The following NFE2L3 variants were observed in gnomAD, a reference collection of about 807,000 sequenced individuals.
The protein encoded by NFE2L3 is NFE2 like bZIP transcription factor 3, also known as nuclear factor erythroid 2-related factor 3.
NFE2L3 carries 18 observed loss-of-function variants against 23.5 expected under a neutral mutation model. That is an observed-to-expected ratio of 0.77 (90% CI 0.53 to 1.13). The LOEUF (loss-of-function observed/expected upper bound fraction) is 1.13, where lower values mean the gene tolerates loss of function less well. Among genes scored for constraint, NFE2L3 ranks in the 50% most tolerant of loss-of-function variants. The pLI is 0.00. For synonymous variants in NFE2L3, 424 were observed against 354.5 expected (o/e 1.20, Z -2.20); for missense variants, 1,152 against 877.2 (o/e 1.31, Z -3.96).
rs868056974 is a variant in NFE2L3 at position 26,183,987 on chromosome 7, G to A, written c.834+203G>A. ...CAAAGGTATAATCAAATTTAGACTA[G>A]TCATGGAAAACAGCGTGGAGATTTC... On this transcript the variant is annotated intron_variant, in intron 3 of 3. Transcript: ENST00000056233. 1.9e-5 allele frequency: 10 copies of A among 521,010 alleles called. No homozygotes were observed. The Middle Eastern group carries it at 2.5e-3, about 129-fold the overall frequency. 32.3% of individuals were successfully genotyped at this position (521,010 alleles called of 1,614,324 possible). A position where few individuals can be genotyped will look rare whatever the true frequency, so the allele number is the denominator to read the frequency against.
intron 1 of NFE2L3, among the ~76,000 whole-genome samples, chr7:26,163,280 A>G (rs1231409039): frequency 2.0e-5 from 3 of 152,314 alleles, no homozygotes; most frequent in Non-Finnish European, 2.9e-5. Flanking sequence ...ATATATCCCC[A>G]AATCATAAGG....
Position 26,178,848 on chromosome 7 carries a change from G to T in NFE2L3, c.750+726G>T, listed in dbSNP as rs568711840. 7.2e-5 allele frequency among the ~76,000 whole-genome samples: 11 copies of T among 152,100 alleles called. No individual in the cohort carries two copies. In the South Asian group the frequency reaches 2.3e-3, roughly 32 times the overall value. On this transcript the variant is annotated intron_variant, in intron 2 of 3. Coordinates refer to ENST00000056233, the MANE Select transcript of NFE2L3 (RefSeq NM_004289.7). ...ACCACGTGGCACTTCCACCTGGAAGGCATACCCTCAGGGGTCTTGCCCTGA... is the reference window on the plus strand; with the variant it reads ...ACCACGTGGCACTTCCACCTGGAAGTCATACCCTCAGGGGTCTTGCCCTGA...
At chr7:26,158,121 T>C (rs1483262036) in intron 1 of NFE2L3, among the ~76,000 whole-genome samples, 1 of 152,174 alleles carries the variant, frequency 6.6e-6, no homozygotes, top group Non-Finnish European at 1.5e-5. Context: ...CAATCTCGGC[T>C]CACTGCAACC....
intron 2 of NFE2L3, among the ~76,000 whole-genome samples, 160 bp downstream of exon 2, chr7:26,178,282 A>G (rs1784449960): frequency 6.6e-6 from 1 of 152,240 alleles, no homozygotes; most frequent in Non-Finnish European, 1.5e-5. Context: ...TGGGAGTAGT[A>G]ATTTGATTTA....
At chr7:26,163,513 A>AT (rs1784202882) in intron 1 of NFE2L3, among the ~76,000 whole-genome samples, 1 of 152,020 alleles carries the variant, frequency 6.6e-6, no homozygotes, top group Non-Finnish European at 1.5e-5. Context: ...AGCCCAGCTA[A>AT]TTTTTGTATT....
chr7:26,168,520 A>G (rs1038601695), intron 1 of NFE2L3, among the ~76,000 whole-genome samples: 1 of 146,194 alleles, frequency 6.8e-6, no homozygotes, highest in Non-Finnish European at 1.5e-5. Context: ...TTATATGATT[A>G]TATGCATATA....
At chr7:26,173,302 A>G (rs549310670) in intron 1 of NFE2L3, among the ~76,000 whole-genome samples, 3 of 152,096 alleles carry the variant, frequency 2.0e-5, no homozygotes, top group African/African-American at 4.8e-5. Context: ...TGCTTGATCA[A>G]TTTCTCTATG....
In NFE2L3 at chr7:26,185,821, A is replaced by C. The variant is rs1314683375; in HGVS notation, c.*38A>C. The C allele has an allele frequency of 2.0e-6, 3 of 1,489,828 alleles. No homozygotes were observed. Among genetic ancestry groups the C allele is most frequent in the Non-Finnish European group, 2.7e-6 (3 of 1,107,474 alleles). The allele number at this position is 1,489,828 out of a possible 1,614,324, so 92.3% of individuals were successfully genotyped here. A position where few individuals can be genotyped will look rare whatever the true frequency, so the allele number is the denominator to read the frequency against. On this transcript the variant is annotated 3_prime_UTR_variant, in exon 4 of 4. Transcript: ENST00000056233. ...GATGGACTCTATTATGTGAAGTAGT[A>C]ATGTTCAGAAACTGATTATTTGGAT...
At chr7:26,166,230 G>C (rs11972585) in intron 1 of NFE2L3, among the ~76,000 whole-genome samples, 4,761 of 152,200 alleles carry the variant, frequency 0.031, 160 homozygotes, top group African/African-American at 0.084. Flanking sequence ...CAGGGACGTT[G>C]GAGTGCCCAG....
chr7:26,169,885 C>T (rs1784310754), intron 1 of NFE2L3, among the ~76,000 whole-genome samples: 1 of 152,026 alleles, frequency 6.6e-6, no homozygotes, highest in Admixed American at 6.5e-5. Context: ...ATTGCTTGAG[C>T]CCAGAAGTTC....
chr7:26,162,852 ACAGGTGCGCACCAC>A (rs545041889), intron 1 of NFE2L3, among the ~76,000 whole-genome samples: 14 of 151,964 alleles, frequency 9.2e-5, no homozygotes, highest in Non-Finnish European at 8.8e-5. Context: ...ACCTGGGATT[ACAGGTGCGCACCAC>A]CACGCCTGGC....
chr7:26,161,978 A>G (rs1784179645), intron 1 of NFE2L3, among the ~76,000 whole-genome samples: 1 of 152,070 alleles, frequency 6.6e-6, no homozygotes, highest in Admixed American at 6.6e-5. Context: ...CCCCGTCTCT[A>G]CTAAAAATAC....
intron 1 of NFE2L3, among the ~76,000 whole-genome samples, chr7:26,169,419 A>G (rs1050920261): frequency 6.6e-6 from 1 of 152,152 alleles, no homozygotes; most frequent in Admixed American, 6.5e-5. Flanking sequence ...TTGGGCCAAG[A>G]TGGCCTTGTC....
chr7:26,152,960 C>G lies in NFE2L3; in HGVS notation c.462C>G (p.Gly154=), dbSNP rs899257782. ...DGGSQAVQGG[G]GDPRAARSGP... is the part of the protein sequence containing the mutation. Reference sequence around the variant, plus strand: ...GCAGCCAGGCTGTGCAGGGGGGCGGCGGGGACCCCCGAGCGGCTCGGAGTG... The same window carrying G: ...GCAGCCAGGCTGTGCAGGGGGGCGGGGGGGACCCCCGAGCGGCTCGGAGTG... Residue 154 remains glycine, a synonymous_variant, in exon 1 of 4, where the codon GGC becomes GGG. Transcript: ENST00000056233. The surrounding 1 kb of genome is among the most constrained non-coding windows in gnomAD (Gnocchi z 4.4). The G allele has an allele frequency of 6.7e-7, 1 of 1,483,730 alleles. No individual in the cohort carries two copies. The highest frequency in any genetic ancestry group is 2.9e-5 in the East Asian group (1 of 34,846). The allele number at this position is 1,483,730 out of a possible 1,614,324, so 91.9% of individuals were successfully genotyped here.
In NFE2L3 at chr7:26,152,884, G is replaced by GCGC. The variant is rs571419845; in HGVS notation, c.397_399dup (p.Ala133dup). On this transcript the variant is annotated inframe_insertion, in exon 1 of 4. Transcript: ENST00000056233. The surrounding 1 kb of genome is among the most constrained non-coding windows in gnomAD (Gnocchi z 4.4). ...GCGGACGAGGCCCACGGGCTGCTCG[G>GCGC]CGCCGCCGCCGCCTCGTCCACCGGA... 5.8e-4 allele frequency: 838 copies of GCGC among 1,456,184 alleles called. 5 individuals carry two copies. The African/African-American group carries it at 0.011, about 19-fold the overall frequency. The allele number at this position is 1,456,184 out of a possible 1,614,324, so 90.2% of individuals were successfully genotyped here. A position where few individuals can be genotyped will look rare whatever the true frequency, so the allele number is the denominator to read the frequency against.
intron 1 of NFE2L3, among the ~76,000 whole-genome samples, chr7:26,169,695 GA>G (rs1339777340): frequency 6.6e-6 from 1 of 152,222 alleles, no homozygotes; most frequent in Non-Finnish European, 1.5e-5. Flanking sequence ...AAGAAAAGTT[GA>G]ATGAATACAG....
chr7:26,184,446 A>G, intron 3 of NFE2L3, 87 bp from the exon 4 acceptor site: 2 of 1,248,254 alleles, frequency 1.6e-6, no homozygotes, highest in Non-Finnish European at 1.1e-6. Flanking sequence ...GGAATTGACA[A>G]AAGAGGGGAA....
intron 2 of NFE2L3, among the ~76,000 whole-genome samples, chr7:26,181,461 A>G (rs755968862): frequency 1.1e-4 from 16 of 152,164 alleles, no homozygotes; most frequent in Admixed American, 2.0e-4. Context: ...GTACAATTCT[A>G]GCTACCCTTT....
intron 1 of NFE2L3, among the ~76,000 whole-genome samples, chr7:26,177,173 C>T (rs143369010): frequency 0.037 from 5,552 of 151,350 alleles, 293 homozygotes; most frequent in Middle Eastern, 0.051. Context: ...CAGGCAGAGA[C>T]GCTCCTCACT....
Sources: allele counts gnomAD v4.1 joint callset (sites outside exome capture counted in the v4.1 genomes callset), GRCh38; gene constraint gnomAD v4.1.1; non-coding constraint Gnocchi (gnomAD v3.1); transcripts MANE v1.5; gene names NCBI Gene and HGNC (gene_info 2026-07-23, HGNC 2026-07-21).